Variants in CDR2L observed in about 807,000 individuals in gnomAD.
The protein encoded by CDR2L is cerebellar degeneration related protein 2 like.
A neutral mutation model predicts 36.1 loss-of-function variants in CDR2L; 19 were observed. That is an observed-to-expected ratio of 0.53 (90% CI 0.37 to 0.77). The LOEUF (loss-of-function observed/expected upper bound fraction) is 0.77, where lower values mean the gene tolerates loss of function less well. CDR2L is among the 30% of genes least tolerant of loss of function. CDR2L has a pLI of 0.00. For missense variants in CDR2L, 575 were observed against 627.2 expected (o/e 0.92, Z 0.89); for synonymous variants, 285 against 280.4 (o/e 1.02, Z -0.16).
chr17:74,987,944 C>A lies in CDR2L; in HGVS notation c.-100C>A, dbSNP rs1567972231. 2 of 550,434 alleles carry A rather than the reference C, an allele frequency of 3.6e-6. No individual in the cohort carries two copies. Among genetic ancestry groups the A allele is most frequent in the Admixed American group, 4.7e-5 (1 of 21,188 alleles). The allele number at this position is 550,434 out of a possible 1,614,324, so 34.1% of individuals were successfully genotyped here. A position where few individuals can be genotyped will look rare whatever the true frequency, so the allele number is the denominator to read the frequency against. ...GCGCGGGCTCTGTAGCCCGAGTTCC[C>A]GACGCTGGAGGCCCGGCCCGCCTCA... On this transcript the variant is annotated 5_prime_UTR_variant, in exon 1 of 5. Transcript: ENST00000337231.
rs778260267 is a variant in CDR2L at position 75,003,979 on chromosome 17, G to A, written c.1303G>A (p.Glu435Lys). Reference sequence around the variant, plus strand: ...CAAGCGGCTGGAACAGAGCCAGCCCGAGTACAAGGCGCTCTTCAAAGAGAT... The same window carrying A: ...CAAGCGGCTGGAACAGAGCCAGCCCAAGTACAAGGCGCTCTTCAAAGAGAT... ...VDKRLEQSQP[E>K]YKALFKEIFS... The change falls in exon 5 of 5, where the codon GAG becomes AAG. Residue 435 changes from glutamate to lysine, a missense_variant. Coordinates refer to ENST00000337231, the MANE Select transcript of CDR2L (RefSeq NM_014603.3). 1.4e-5 allele frequency: 23 copies of A among 1,609,508 alleles called. No homozygotes were observed. The highest frequency in any genetic ancestry group is 2.2e-5 in the East Asian group (1 of 44,738).
At chr17:75,001,972 A>ACGTCC in intron 3 of CDR2L, 92 bp from the exon 4 acceptor site, 1 of 1,138,474 alleles carries the variant, frequency 8.8e-7, no homozygotes, top group African/African-American at 1.6e-5. Flanking sequence ...CTCCTACCCA[A>ACGTCC]CGTCCCTCCA....
In CDR2L at chr17:75,003,500, T is replaced by C; in HGVS notation, c.824T>C (p.Leu275Pro). ...LGPDDHLAEA[L>P]LAPLTQAPEA... ...CCGGACGACCACCTGGCCGAGGCCCTGCTCGCACCCCTCACGCAGGCCCCT... is the reference window on the plus strand; with the variant it reads ...CCGGACGACCACCTGGCCGAGGCCCCGCTCGCACCCCTCACGCAGGCCCCT... Residue 275 changes from leucine (L) to proline (P), a missense_variant, in exon 5 of 5, where the codon CTG (leucine) becomes CCG (proline). Physicochemically the swap from Leu to Pro is moderately conservative, Grantham distance 98 (BLOSUM62 -3). Coordinates refer to ENST00000337231, the MANE Select transcript of CDR2L (RefSeq NM_014603.3). 1 of 1,547,798 alleles carries C rather than the reference T, an allele frequency of 6.5e-7. No homozygotes were observed. Among genetic ancestry groups the C allele is most frequent in the Non-Finnish European group, 8.7e-7 (1 of 1,145,710 alleles).
intron 3 of CDR2L, 131 bp downstream of exon 3, chr17:75,001,620 TC>T: frequency 1.2e-6 from 1 of 863,112 alleles, no homozygotes; most frequent in Non-Finnish European, 1.7e-6. Flanking sequence ...AGTGAGCTTG[TC>T]CTTGTCGATT....
intron 3 of CDR2L, among the ~76,000 whole-genome samples, 174 bp from the exon 4 acceptor site, chr17:75,001,890 G>A (rs990854774): frequency 2.0e-5 from 3 of 152,162 alleles, no homozygotes; most frequent in East Asian, 3.8e-4. Context: ...AAAGAAGGGC[G>A]GGTCCTTGGG....
chr17:74,988,045 TGCG>T lies in CDR2L; in HGVS notation c.4_6del (p.Arg3?). 1.3e-6 allele frequency: 2 copies of T among 1,522,192 alleles called. No homozygotes were observed. The highest frequency in any genetic ancestry group is 1.8e-6 in the Non-Finnish European group (2 of 1,136,412). The allele number at this position is 1,522,192 out of a possible 1,614,324, so 94.3% of individuals were successfully genotyped here. ...CACCCGCCCGCCGCCCGCGGGGCCATGCGGAGAGCCGCCGGGATGGAGGACTTC... is the reference window on the plus strand; with the variant it reads ...CACCCGCCCGCCGCCCGCGGGGCCATGAGAGCCGCCGGGATGGAGGACTTC... On this transcript the variant is annotated start_lost and inframe_deletion, in exon 1 of 5. Coordinates refer to ENST00000337231, the MANE Select transcript of CDR2L (RefSeq NM_014603.3).
chr17:75,004,333 G>A lies in CDR2L; in HGVS notation c.*259G>A. 1 of 411,600 alleles carries A rather than the reference G, an allele frequency of 2.4e-6. No homozygotes were observed. Among genetic ancestry groups the A allele is most frequent in the Non-Finnish European group, 4.3e-6 (1 of 230,958 alleles). 25.5% of individuals were successfully genotyped at this position (411,600 alleles called of 1,614,324 possible). ...AGCCAAATGTCCCCACTACCCCAGG[G>A]ATCCCCCAGCTCCCCCAGCCCCTGG... On this transcript the variant is annotated 3_prime_UTR_variant, in exon 5 of 5. Coordinates refer to ENST00000337231, the MANE Select transcript of CDR2L (RefSeq NM_014603.3).
At chr17:74,988,481 G>C (rs1024371237) in intron 1 of CDR2L, among the ~76,000 whole-genome samples, 2 of 152,220 alleles carry the variant, frequency 1.3e-5, no homozygotes, top group African/African-American at 4.8e-5. Context: ...TCTGAGGCCG[G>C]GAGGCGGCTC....
At chr17:74,991,439 C>A (rs1451422983) in intron 1 of CDR2L, among the ~76,000 whole-genome samples, 1 of 136,120 alleles carries the variant, frequency 7.3e-6, no homozygotes, top group Non-Finnish European at 1.6e-5. Flanking sequence ...TAGAAAGAGC[C>A]GGGCACGGTG....
At chr17:74,996,281 T>G (rs1478757222) in intron 1 of CDR2L, among the ~76,000 whole-genome samples, 2 of 151,676 alleles carry the variant, frequency 1.3e-5, no homozygotes, top group Non-Finnish European at 2.9e-5. Flanking sequence ...CCATCTCTAT[T>G]AAAAATACAA....
At chr17:74,994,846 G>A (rs533928260) in intron 1 of CDR2L, among the ~76,000 whole-genome samples, 5 of 152,036 alleles carry the variant, frequency 3.3e-5, no homozygotes, top group Non-Finnish European at 5.9e-5. Context: ...TGAAGTGGGC[G>A]GATCACGAGG....
In CDR2L at chr17:75,001,510, T is replaced by TG. The variant is rs60758921; in HGVS notation, c.341+27dup. 1.1e-4 allele frequency: 174 copies of TG among 1,513,238 alleles called. No homozygotes were observed. In the African/African-American group the frequency reaches 1.9e-3, roughly 17 times the overall value. 93.7% of individuals were successfully genotyped at this position (1,513,238 alleles called of 1,614,324 possible). A position where few individuals can be genotyped will look rare whatever the true frequency, so the allele number is the denominator to read the frequency against. The stretch of plus-strand genomic sequence containing the variant: ...CATGGGTGAGGGCCCGGCTGAGGGC[T>TG]GGGGGGCGGGCGAGGGAGAGCCCCA... On this transcript the variant is annotated intron_variant, in intron 3 of 4. Transcript: ENST00000337231.
chr17:74,991,987 G>T (rs947493190), intron 1 of CDR2L, among the ~76,000 whole-genome samples: 18 of 152,296 alleles, frequency 1.2e-4, no homozygotes, highest in African/African-American at 4.3e-4. Flanking sequence ...TTACCCCAAA[G>T]GTGACCTGAC....
chr17:74,997,080 C>CTTTTT (rs1381030114), intron 1 of CDR2L, among the ~76,000 whole-genome samples: 8 of 8,968 alleles, frequency 8.9e-4, no homozygotes, highest in African/African-American at 2.0e-3. Flanking sequence ...TTCTTTCTTT[C>CTTTTT]TTTCTTTTTT....
chr17:74,990,828 GC>G (rs1486762953), intron 1 of CDR2L, among the ~76,000 whole-genome samples: 3 of 152,234 alleles, frequency 2.0e-5, no homozygotes, highest in African/African-American at 7.2e-5. Context: ...GGTGTCAAAG[GC>G]CTGTTGCATC....
chr17:74,993,590 T>G (rs1266688331), intron 1 of CDR2L, among the ~76,000 whole-genome samples: 1 of 152,212 alleles, frequency 6.6e-6, no homozygotes, highest in Non-Finnish European at 1.5e-5. Flanking sequence ...ATTCCCTTAC[T>G]AGGTTTATGT....
Position 74,994,725 on chromosome 17 carries a change from C to T in CDR2L, c.80-4779C>T, listed in dbSNP as rs138652849. ...GACTCAAGCAGTCCTCCCACATCAA[C>T]TTCTCTAGTAGCTGCGACCACAGAC... is the stretch of plus-strand genomic sequence containing the variant. On this transcript the variant is annotated intron_variant, in intron 1 of 4. Transcript: ENST00000337231. Among the ~76,000 whole-genome samples, 102 of 152,142 alleles carry T rather than the reference C, an allele frequency of 6.7e-4. 1 individual carries two copies. The highest frequency in any genetic ancestry group is 3.4e-3 in the Middle Eastern group (1 of 294).
At chr17:74,996,305 G>A (rs1330801587) in intron 1 of CDR2L, among the ~76,000 whole-genome samples, 1 of 151,950 alleles carries the variant, frequency 6.6e-6, no homozygotes, top group Non-Finnish European at 1.5e-5. Flanking sequence ...TTAGCTGGAT[G>A]TGGTTGTAGG....
Position 74,989,434 on chromosome 17 carries a change from C to CACACACAT in CDR2L, c.79+1319_79+1320insTACACACA, listed in dbSNP as rs1254868934. Among the ~76,000 whole-genome samples, 5 of 151,574 alleles carry CACACACAT rather than the reference C, an allele frequency of 3.3e-5. No individual in the cohort carries two copies. The East Asian group carries it at 7.8e-4, about 23-fold the overall frequency. On this transcript the variant is annotated intron_variant, in intron 1 of 4. Transcript: ENST00000337231. This position sits in a 1 kb window ranked among gnomAD's most constrained non-coding sequence, Gnocchi z 4.2. ...AAACACACACACACACACACACACA[C>CACACACAT]ACACACACACACATCCACACATTGT...
Sources: gnomAD v4.1 joint callset for allele counts (sites outside exome capture counted in the v4.1 genomes callset) on GRCh38, gnomAD v4.1.1 for gene constraint, Gnocchi (gnomAD v3.1) non-coding constraint, MANE v1.5 for transcripts, NCBI Gene and HGNC (gene_info 2026-07-23, HGNC 2026-07-21) for gene names.